Variants in SKI observed in about 807,000 individuals in gnomAD.
SKI encodes the protein ski oncogene.
SKI carries 23 observed loss-of-function variants against 59.3 expected under a neutral mutation model. The observed-to-expected ratio is 0.39, with a 90% CI of 0.28 to 0.55. SKI has a LOEUF of 0.55. Among genes scored for constraint, SKI ranks in the 20% least tolerant of loss-of-function variants. The pLI is 0.67. For synonymous variants in SKI, 673 were observed against 488.6 expected (o/e 1.38, Z -4.98); for missense variants, 1,017 against 1,038.9 (o/e 0.98, Z 0.29).
intron 1 of SKI, among the ~76,000 whole-genome samples, chr1:2,275,522 GT>G (rs1297367402): frequency 8.7e-5 from 13 of 149,456 alleles, no homozygotes; most frequent in Non-Finnish European, 7.5e-5. Context: ...ACGTTTATCT[GT>G]TTTTTTTTTA....
intron 1 of SKI, among the ~76,000 whole-genome samples, chr1:2,273,570 T>TCCTCCC (rs1639675160): frequency 6.6e-6 from 1 of 152,006 alleles, no homozygotes; most frequent in South Asian, 2.1e-4. Flanking sequence ...CCTGGGGCGG[T>TCCTCCC]CCTCCCCAGC....
chr1:2,303,933 T>TGCC lies in SKI; in HGVS notation c.1313_1315dup (p.Ala438dup), dbSNP rs1379965060. On this transcript the variant is annotated inframe_insertion, in exon 4 of 7. Transcript: ENST00000378536. This position sits in a 1 kb window ranked among gnomAD's most constrained non-coding sequence, Gnocchi z 5.6. ...AGAAGGTTGTGAGCAGCCCTCCGTG[T>TGCC]GCCGCCGCCGTCTCCCGGGCCCCCG... 1 of 1,611,840 alleles carries TGCC rather than the reference T, an allele frequency of 6.2e-7. No individual in the cohort carries two copies.
At position 2,228,332 on chromosome 1, in the gene SKI, C is replaced by T. The variant is rs1638547682; in HGVS notation, c.-435C>T. Among the ~76,000 whole-genome samples, 1 of 142,730 alleles carries T rather than the reference C, an allele frequency of 7.0e-6. No homozygotes were observed. The highest frequency in any genetic ancestry group is 2.5e-5 in the African/African-American group (1 of 39,870). 93.6% of individuals were successfully genotyped at this position (142,730 alleles called of 152,430 possible). The stretch of plus-strand genomic sequence containing the variant: ...GCCCGCGCCCCCGCTCCTCCCGGGC[C>T]CCTCGGCCTCGGCCGCCGCGGCGAT... On this transcript the variant is annotated 5_prime_UTR_variant, in exon 1 of 7. Coordinates refer to ENST00000378536, the MANE Select transcript of SKI (RefSeq NM_003036.4).
intron 1 of SKI, among the ~76,000 whole-genome samples, chr1:2,263,974 G>A: frequency 6.6e-6 from 1 of 151,596 alleles, no homozygotes; most frequent in Non-Finnish European, 1.5e-5. Context: ...CCAGGAGTTC[G>A]AGAACAGCCT....
chr1:2,282,682 G>A (rs1639920297), intron 1 of SKI, among the ~76,000 whole-genome samples: 1 of 152,208 alleles, frequency 6.6e-6, no homozygotes, highest in African/African-American at 2.4e-5. Context: ...GATAGGGCCT[G>A]GGTAGGGGCT....
At chr1:2,276,474 G>A (rs1224521785) in intron 1 of SKI, among the ~76,000 whole-genome samples, 1 of 152,228 alleles carries the variant, frequency 6.6e-6, no homozygotes, top group East Asian at 1.9e-4. Context: ...CCCTGGGATT[G>A]GGGAGCCAGG....
chr1:2,275,459 C>T (rs1198865080), intron 1 of SKI, among the ~76,000 whole-genome samples: 1 of 152,128 alleles, frequency 6.6e-6, no homozygotes, highest in African/African-American at 2.4e-5. Context: ...CGTCTGAGAC[C>T]CCGAGCCCTG....
At chr1:2,287,208 G>C (rs563703142) in intron 1 of SKI, among the ~76,000 whole-genome samples, 1 of 152,130 alleles carries the variant, frequency 6.6e-6, no homozygotes, top group African/African-American at 2.4e-5. Flanking sequence ...GCTCCAGGGC[G>C]CCTGGAGACT....
intron 1 of SKI, among the ~76,000 whole-genome samples, chr1:2,292,538 C>T (rs1418053953): frequency 3.3e-5 from 5 of 152,184 alleles, no homozygotes; most frequent in African/African-American, 2.4e-5. Flanking sequence ...TAGCCCACAC[C>T]CCCTGGGGAG....
chr1:2,235,048 T>TA (rs1262480322), intron 1 of SKI, among the ~76,000 whole-genome samples: 11 of 149,882 alleles, frequency 7.3e-5, no homozygotes, highest in East Asian at 5.9e-4. Flanking sequence ...TGTTGTTATT[T>TA]TTTTTTTTTT....
intron 5 of SKI, among the ~76,000 whole-genome samples, chr1:2,305,689 A>T (rs745483283): frequency 1.3e-5 from 2 of 152,052 alleles, no homozygotes; most frequent in African/African-American, 4.8e-5. Context: ...CCTCACATTG[A>T]TGGGAGCCAG....
At chr1:2,245,340 G>A (rs1024262209) in intron 1 of SKI, among the ~76,000 whole-genome samples, 93 of 152,114 alleles carry the variant, frequency 6.1e-4, no homozygotes, top group Non-Finnish European at 1.1e-3. Flanking sequence ...GTGGACACAC[G>A]GGTGACTTCC....
In SKI at chr1:2,269,905, G is replaced by A. The variant is rs1489576535; in HGVS notation, c.970-33073G>A. On this transcript the variant is annotated intron_variant, in intron 1 of 6. Coordinates refer to ENST00000378536, the MANE Select transcript of SKI (RefSeq NM_003036.4). This position sits in a 1 kb window ranked among gnomAD's most constrained non-coding sequence, Gnocchi z 4.7. ...GGGTCTCGTGGTGCCTGTGGCTGGC[G>A]TGGGTCTGGCGGGTCTGGTGGTGCC... Among the ~76,000 whole-genome samples, 6 of 112,556 alleles carry A rather than the reference G, an allele frequency of 5.3e-5. No individual in the cohort carries two copies. The highest frequency in any genetic ancestry group is 1.9e-4 in the African/African-American group (5 of 26,828). The allele number at this position is 112,556 out of a possible 152,430, so 73.8% of individuals were successfully genotyped here.
intron 1 of SKI, among the ~76,000 whole-genome samples, chr1:2,301,869 C>T (rs949065751): frequency 6.6e-6 from 1 of 152,242 alleles, no homozygotes; most frequent in African/African-American, 2.4e-5. Context: ...GTGGCCTGTT[C>T]TGCATTGGCC....
chr1:2,270,521 C>T lies in SKI; in HGVS notation c.970-32457C>T, dbSNP rs747415092. ...CTGTGGTTCCTGGGCTGCCATCTGG[C>T]GATTGTAAAACGGGCAGTGTGCAGT... On this transcript the variant is annotated intron_variant, in intron 1 of 6. Transcript: ENST00000378536. This position sits in a 1 kb window ranked among gnomAD's most constrained non-coding sequence, Gnocchi z 4.1. Among the ~76,000 whole-genome samples, 4 of 152,176 alleles carry T rather than the reference C, an allele frequency of 2.6e-5. No individual in the cohort carries two copies. The highest frequency in any genetic ancestry group is 6.5e-5 in the Admixed American group (1 of 15,286).
chr1:2,259,657 G>A (rs990335573), intron 1 of SKI, among the ~76,000 whole-genome samples: 5 of 152,136 alleles, frequency 3.3e-5, no homozygotes, highest in East Asian at 1.9e-4. Context: ...CCTCGCTGCC[G>A]TCCAGATGAT....
At chr1:2,230,364 A>G (rs963827471) in intron 1 of SKI, among the ~76,000 whole-genome samples, 1 of 152,122 alleles carries the variant, frequency 6.6e-6, no homozygotes. Context: ...TGGCGGCTCC[A>G]GCACTGTGCT....
rs1553189974 is a variant in SKI, at chr1:2,229,381, C to T, written c.615C>T (p.Ala205=). 1.2e-6 allele frequency: 2 copies of T among 1,603,390 alleles called. No homozygotes were observed. Among genetic ancestry groups the T allele is most frequent in the Non-Finnish European group, 1.7e-6 (2 of 1,175,216 alleles). Residue 205 remains alanine (A), a synonymous_variant, in exon 1 of 7, where the codon GCC becomes GCT. Transcript: ENST00000378536. This position sits in a 1 kb window ranked among gnomAD's most constrained non-coding sequence, Gnocchi z 6.3. ...YPPPCKKELA[A]SLALGLELSE... is the part of the protein sequence containing the mutation. ...CGCCCTGCAAGAAGGAGCTGGCCGC[C>T]AGCCTGGCGCTGGGCCTGGAGCTCA...
Position 2,269,928 on chromosome 1 carries a change from G to A in SKI, c.970-33050G>A, listed in dbSNP as rs1203324075. ...GCGTGGGTCTGGCGGGTCTGGTGGT[G>A]CCTGTGGCTGGCGTGGGTCTGGCGG... On this transcript the variant is annotated intron_variant, in intron 1 of 6. Transcript: ENST00000378536. This position sits in a 1 kb window ranked among gnomAD's most constrained non-coding sequence, Gnocchi z 4.7. 3.6e-5 allele frequency among the ~76,000 whole-genome samples: 4 copies of A among 110,684 alleles called. No individual in the cohort carries two copies. Among genetic ancestry groups the A allele is most frequent in the Non-Finnish European group, 3.8e-5 (2 of 53,130 alleles). The allele number at this position is 110,684 out of a possible 152,430, so 72.6% of individuals were successfully genotyped here.
Sources: allele counts gnomAD v4.1 joint callset (sites outside exome capture counted in the v4.1 genomes callset), GRCh38; gene constraint gnomAD v4.1.1; non-coding constraint Gnocchi (gnomAD v3.1); transcripts MANE v1.5; gene names NCBI Gene and HGNC (gene_info 2026-07-23, HGNC 2026-07-21).